The following ST3GAL1 variants were observed in gnomAD, a reference collection of about 807,000 sequenced individuals.
ST3GAL1 encodes the protein CMP-N-acetylneuraminate-beta-galactosamide-alpha-2,3-sialyltransferase 1.
Under a neutral mutation model 34.1 loss-of-function variants are expected in ST3GAL1, and 16 were observed. The observed-to-expected ratio is 0.47, with a 90% confidence interval of 0.32 to 0.71. The LOEUF (loss-of-function observed/expected upper bound fraction) is 0.71, where lower values mean the gene tolerates loss of function less well. Ranked by LOEUF, ST3GAL1 falls within the 30% of genes least tolerant of loss-of-function variation. The pLI is 0.04. For missense variants in ST3GAL1, 353 were observed against 447.4 expected (o/e 0.79, Z 1.90); for synonymous variants, 191 against 184.7 (o/e 1.03, Z -0.28).
intron 2 of ST3GAL1, among the ~76,000 whole-genome samples, chr8:133,514,908 C>T (rs935447851): frequency 3.3e-5 from 5 of 152,122 alleles, no homozygotes; most frequent in Admixed American, 3.3e-4. Context: ...CCACACATTG[C>T]CATGTGCCGT....
At chr8:133,555,956 C>T (rs755791677) in intron 1 of ST3GAL1, among the ~76,000 whole-genome samples, 36 of 152,170 alleles carry the variant, frequency 2.4e-4, no homozygotes, top group East Asian at 9.7e-4. Context: ...TGGAGTGGCA[C>T]GGTCTCGGCT....
intron 2 of ST3GAL1, among the ~76,000 whole-genome samples, chr8:133,527,121 G>T (rs770458255): frequency 6.6e-6 from 1 of 152,148 alleles, no homozygotes; most frequent in Non-Finnish European, 1.5e-5. Context: ...TTGTGAAGGG[G>T]CTGCTCTTTA....
At chr8:133,551,150 G>A (rs1024304168) in intron 1 of ST3GAL1, among the ~76,000 whole-genome samples, 6 of 152,084 alleles carry the variant, frequency 3.9e-5, no homozygotes, top group Non-Finnish European at 8.8e-5. Context: ...GTGCCCCTAG[G>A]GGACACTGGT....
intron 1 of ST3GAL1, among the ~76,000 whole-genome samples, chr8:133,566,613 G>A (rs921839378): frequency 1.7e-4 from 26 of 152,222 alleles, no homozygotes; most frequent in East Asian, 7.7e-4. Flanking sequence ...TCACTCAGCC[G>A]GCCTGGATAG....
At chr8:133,502,958 T>A (rs1056239576) in intron 2 of ST3GAL1, among the ~76,000 whole-genome samples, 1 of 152,240 alleles carries the variant, frequency 6.6e-6, no homozygotes, top group Non-Finnish European at 1.5e-5. Flanking sequence ...GCAGTTCTGG[T>A]ATGTGCCATC....
intron 3 of ST3GAL1, among the ~76,000 whole-genome samples, chr8:133,489,349 T>C (rs1816715112): frequency 6.6e-6 from 1 of 152,112 alleles, no homozygotes; most frequent in Non-Finnish European, 1.5e-5. Context: ...CCAGGAGCTG[T>C]GCCCCACAGA....
rs1815796889 is a variant in ST3GAL1 at position 133,467,749 on chromosome 8, T to C, written c.307-1659A>G. ...GCCACTGTCCAGAAGATGAGTGACCTGGGCATATGTAGGGAGATCCCGGGG... is the reference window on the plus strand; with the variant it reads ...GCCACTGTCCAGAAGATGAGTGACCCGGGCATATGTAGGGAGATCCCGGGG... On this transcript the variant is annotated intron_variant, in intron 5 of 9. Coordinates refer to ENST00000522652, the MANE Select transcript of ST3GAL1 (RefSeq NM_173344.3). The surrounding 1 kb of genome is among the most constrained non-coding windows in gnomAD (Gnocchi z 4.2). Among the ~76,000 whole-genome samples, 1 of 152,130 alleles carries C rather than the reference T, an allele frequency of 6.6e-6. No individual in the cohort carries two copies. Among genetic ancestry groups the C allele is most frequent in the South Asian group, 2.1e-4 (1 of 4,832 alleles).
At chr8:133,535,933 C>G (rs1486138323) in intron 2 of ST3GAL1, among the ~76,000 whole-genome samples, 2 of 152,178 alleles carry the variant, frequency 1.3e-5, no homozygotes, top group Non-Finnish European at 2.9e-5. Context: ...GTATGACTTG[C>G]TCTACTGCAA....
intron 2 of ST3GAL1, among the ~76,000 whole-genome samples, chr8:133,537,434 G>A (rs1032251067): frequency 6.6e-6 from 1 of 152,194 alleles, no homozygotes; most frequent in Admixed American, 6.5e-5. Flanking sequence ...GTTAGGGCAG[G>A]GGAAGGAAGG....
intron 1 of ST3GAL1, among the ~76,000 whole-genome samples, chr8:133,548,053 G>A (rs888183332): frequency 2.6e-5 from 4 of 152,198 alleles, no homozygotes; most frequent in African/African-American, 9.7e-5. Context: ...ACCTGCTGAT[G>A]GGGGCAGGAT....
At chr8:133,530,577 C>T (rs1818123372) in intron 2 of ST3GAL1, among the ~76,000 whole-genome samples, 1 of 152,190 alleles carries the variant, frequency 6.6e-6, no homozygotes, top group Non-Finnish European at 1.5e-5. Flanking sequence ...GCCACCGTGC[C>T]CAGTCCCTGA....
At chr8:133,527,651 G>A (rs7016822) in intron 2 of ST3GAL1, among the ~76,000 whole-genome samples, 7,216 of 152,258 alleles carry the variant, frequency 0.047, 418 homozygotes, top group African/African-American at 0.14. Context: ...AACCAAAATA[G>A]CATTTGGCTC....
intron 5 of ST3GAL1, among the ~76,000 whole-genome samples, chr8:133,470,751 G>A (rs1179075151): frequency 1.3e-5 from 2 of 152,188 alleles, no homozygotes; most frequent in African/African-American, 2.4e-5. Flanking sequence ...GGCTGGGGGC[G>A]AGGCGAGTGA....
intron 2 of ST3GAL1, among the ~76,000 whole-genome samples, chr8:133,541,114 T>TAG (rs1299790632): frequency 0.016 from 684 of 44,020 alleles, 93 homozygotes; most frequent in African/African-American, 0.058. Flanking sequence ...TATATATATA[T>TAG]ATATATAGAG....
chr8:133,462,181 G>A (rs970911333), intron 8 of ST3GAL1, among the ~76,000 whole-genome samples, 187 bp from the exon 9 acceptor site: 1 of 152,174 alleles, frequency 6.6e-6, no homozygotes, highest in African/African-American at 2.4e-5. Context: ...AGAGACAGAG[G>A]TGCTGAGCTA....
At chr8:133,475,564 C>T (rs528530131) in intron 5 of ST3GAL1, among the ~76,000 whole-genome samples, 155 bp downstream of exon 5, 1 of 152,214 alleles carries the variant, frequency 6.6e-6, no homozygotes, top group East Asian at 1.9e-4. Context: ...CTGAGAGCAC[C>T]TCACTCTCAT....
intron 1 of ST3GAL1, among the ~76,000 whole-genome samples, chr8:133,559,662 GAAC>G (rs942339654): frequency 3.3e-5 from 5 of 152,202 alleles, no homozygotes; most frequent in South Asian, 2.1e-4. Flanking sequence ...GTAAGAAGAA[GAAC>G]AACAAACCTT....
chr8:133,460,935 T>C (rs1815474947), intron 9 of ST3GAL1, among the ~76,000 whole-genome samples: 1 of 152,096 alleles, frequency 6.6e-6, no homozygotes, highest in South Asian at 2.1e-4. Flanking sequence ...ATGCCACATG[T>C]GGCTTTCTCA....
chr8:133,497,536 T>C (rs1816999085), intron 3 of ST3GAL1, among the ~76,000 whole-genome samples: 1 of 134,982 alleles, frequency 7.4e-6, no homozygotes, highest in Non-Finnish European at 1.5e-5. Flanking sequence ...ACGGGCGCAA[T>C]CTCGGCTAAC....
Sources: gnomAD v4.1 joint callset for allele counts (sites outside exome capture counted in the v4.1 genomes callset) on GRCh38, gnomAD v4.1.1 for gene constraint, Gnocchi (gnomAD v3.1) non-coding constraint, MANE v1.5 for transcripts, NCBI Gene and HGNC (gene_info 2026-07-23, HGNC 2026-07-21) for gene names.